The following SGCZ variants were observed in gnomAD, a reference collection of about 807,000 sequenced individuals.
SGCZ encodes the protein sarcoglycan zeta.
In SGCZ, 40 loss-of-function variants were observed where a neutral mutation model predicts 41.3. The ratio of observed to expected loss-of-function variants is 0.97; its 90% confidence interval spans 0.75 to 1.26. SGCZ has a LOEUF of 1.26. SGCZ is among the 50% of genes most tolerant of loss of function. SGCZ has a pLI of 0.00. For missense variants in SGCZ, 552 were observed against 369.8 expected (o/e 1.49, Z -4.04); for synonymous variants, 206 against 137.5 (o/e 1.50, Z -3.49).
intron 5 of SGCZ, among the ~76,000 whole-genome samples, chr8:14,145,573 C>A (rs1257788471): frequency 6.6e-6 from 1 of 152,114 alleles, no homozygotes; most frequent in Non-Finnish European, 1.5e-5. Flanking sequence ...GAAAACATGA[C>A]CTCAGTAAAT....
intron 1 of SGCZ, among the ~76,000 whole-genome samples, chr8:14,762,348 C>T (rs540607067): frequency 1.3e-5 from 2 of 148,950 alleles, no homozygotes; most frequent in South Asian, 4.4e-4. Context: ...GGATCACATC[C>T]TTATACTGCC....
chr8:14,198,134 C>G (rs1375737473), intron 4 of SGCZ, among the ~76,000 whole-genome samples: 1 of 152,186 alleles, frequency 6.6e-6, no homozygotes, highest in Non-Finnish European at 1.5e-5. Flanking sequence ...AAACTGCATG[C>G]TGTTCTGAGT....
intron 1 of SGCZ, among the ~76,000 whole-genome samples, chr8:14,883,751 T>C (rs1348456398): frequency 6.6e-6 from 1 of 151,192 alleles, no homozygotes; most frequent in Non-Finnish European, 1.5e-5. Flanking sequence ...ATGTTCCTTA[T>C]AGCTATCTTT....
chr8:14,761,156 C>T (rs899045553), intron 1 of SGCZ, among the ~76,000 whole-genome samples: 13 of 152,092 alleles, frequency 8.5e-5, no homozygotes, highest in African/African-American at 3.1e-4. Flanking sequence ...TCACGGTCTT[C>T]GCTAATTCAA....
intron 1 of SGCZ, among the ~76,000 whole-genome samples, chr8:15,223,604 C>T (rs1256819875): frequency 6.6e-6 from 1 of 152,072 alleles, no homozygotes; most frequent in African/African-American, 2.4e-5. Context: ...TGGTCAGACA[C>T]CAAATATTGC....
intron 3 of SGCZ, among the ~76,000 whole-genome samples, chr8:14,293,169 A>C (rs1396380597): frequency 6.6e-6 from 1 of 152,026 alleles, no homozygotes; most frequent in Admixed American, 6.6e-5. Flanking sequence ...AATAAAAACC[A>C]AAAGAATATG....
At chr8:14,993,717 G>T (rs537010958) in intron 1 of SGCZ, among the ~76,000 whole-genome samples, 1 of 152,272 alleles carries the variant, frequency 6.6e-6, no homozygotes, top group African/African-American at 2.4e-5. Context: ...AGTTTGAGAA[G>T]GGTCAACCAG....
chr8:15,068,072 T>G (rs1295734752), intron 1 of SGCZ, among the ~76,000 whole-genome samples: 1 of 152,200 alleles, frequency 6.6e-6, no homozygotes, highest in Non-Finnish European at 1.5e-5. Flanking sequence ...ATACGAGCAG[T>G]GCCGTAAAAG....
At chr8:14,372,757 G>C (rs960756274) in intron 2 of SGCZ, among the ~76,000 whole-genome samples, 3 of 152,048 alleles carry the variant, frequency 2.0e-5, no homozygotes, top group East Asian at 3.9e-4. Context: ...TGGAGTATCC[G>C]AGTAATAGCA....
chr8:15,225,942 G>A (rs758857595), intron 1 of SGCZ, among the ~76,000 whole-genome samples: 19 of 152,012 alleles, frequency 1.2e-4, no homozygotes, highest in Admixed American at 5.9e-4. Flanking sequence ...TTTGATCTAT[G>A]CACATCTACA....
chr8:15,056,507 T>C (rs1214161006), intron 1 of SGCZ, among the ~76,000 whole-genome samples: 1 of 151,940 alleles, frequency 6.6e-6, no homozygotes, highest in Non-Finnish European at 1.5e-5. Context: ...ATGAATGATG[T>C]TGTTTTTCTG....
At position 14,502,391 on chromosome 8, in the gene SGCZ, TAAAGA is replaced by T. The variant is rs752953560; in HGVS notation, c.234+52336_234+52340del. Among the ~76,000 whole-genome samples, 48 of 152,224 alleles carry T rather than the reference TAAAGA, an allele frequency of 3.2e-4. No homozygotes were observed. In the East Asian group the frequency reaches 9.3e-3, roughly 29 times the overall value. On this transcript the variant is annotated intron_variant, in intron 2 of 7. Coordinates refer to ENST00000382080, the MANE Select transcript of SGCZ (RefSeq NM_139167.4). Reference sequence around the variant, plus strand: ...ATGTACGCATGAATTTATCAAAAAGTAAAGAATTCTTCATCTCATTTAGGGTTATA... The same window carrying T: ...ATGTACGCATGAATTTATCAAAAAGTATTCTTCATCTCATTTAGGGTTATA...
At chr8:14,182,410 C>T (rs1673409521) in intron 4 of SGCZ, among the ~76,000 whole-genome samples, 1 of 152,004 alleles carries the variant, frequency 6.6e-6, no homozygotes, top group African/African-American at 2.4e-5. Flanking sequence ...AGAAAATTAG[C>T]TAAAAAGCAA....
rs7842989 is a variant in SGCZ, at chr8:14,255,850, T to C, written c.337-18171A>G. Among the ~76,000 whole-genome samples, 1,376 of 152,178 alleles carry C rather than the reference T, an allele frequency of 9.0e-3. 19 individuals are homozygous for C. The highest frequency in any genetic ancestry group is 0.031 in the African/African-American group (1,279 of 41,550). ...TTGAACAGATTTTGAGGTATTTCCA[T>C]CAAAAACCCTATCACATTGATTTAT... is the stretch of plus-strand genomic sequence containing the variant. On this transcript the variant is annotated intron_variant, in intron 3 of 7. Transcript: ENST00000382080.
chr8:14,982,435 C>T (rs922534251), intron 1 of SGCZ, among the ~76,000 whole-genome samples: 1 of 152,114 alleles, frequency 6.6e-6, no homozygotes, highest in African/African-American at 2.4e-5. Flanking sequence ...ACATATTTCT[C>T]AAAAGATTGT....
chr8:14,484,505 G>T lies in SGCZ; in HGVS notation c.234+70227C>A, dbSNP rs542407792. ...TTTAAAACATTTCATTGCTATCTTG[G>T]TTAGCAGTTTCCCGGTTTTTTTACA... On this transcript the variant is annotated intron_variant, in intron 2 of 7. Coordinates refer to ENST00000382080, the MANE Select transcript of SGCZ (RefSeq NM_139167.4). 4.6e-5 allele frequency among the ~76,000 whole-genome samples: 7 copies of T among 152,220 alleles called. No homozygotes were observed. The South Asian group carries it at 1.5e-3, about 32-fold the overall frequency.
At chr8:15,117,543 T>C (rs904039846) in intron 1 of SGCZ, among the ~76,000 whole-genome samples, 2 of 152,148 alleles carry the variant, frequency 1.3e-5, no homozygotes, top group Non-Finnish European at 2.9e-5. Flanking sequence ...ATTAGCTGTG[T>C]GATATTGAGC....
chr8:14,490,382 G>C (rs766847427), intron 2 of SGCZ, among the ~76,000 whole-genome samples: 11 of 152,058 alleles, frequency 7.2e-5, no homozygotes, highest in Non-Finnish European at 1.6e-4. Context: ...TTGTAAGATA[G>C]AAATATGGAC....
rs930398235 is a variant in SGCZ at position 14,088,208 on chromosome 8, A to G, written c.*2235T>C. On this transcript the variant is annotated 3_prime_UTR_variant, in exon 8 of 8. Coordinates refer to ENST00000382080, the MANE Select transcript of SGCZ (RefSeq NM_139167.4). ...CATGTTGGAACAGAAAGGAACCCCA[A>G]GAGACTATTTTATTCAATACTTTTG... 4.6e-5 allele frequency among the ~76,000 whole-genome samples: 7 copies of G among 151,802 alleles called. No homozygotes were observed. The highest frequency in any genetic ancestry group is 1.7e-4 in the African/African-American group (7 of 41,402).
Sources: gnomAD v4.1 joint callset for allele counts (sites outside exome capture counted in the v4.1 genomes callset) on GRCh38, gnomAD v4.1.1 for gene constraint, MANE v1.5 for transcripts, NCBI Gene and HGNC (gene_info 2026-07-23, HGNC 2026-07-21) for gene names.